The following PPP1R14C variants were observed in gnomAD, a reference collection of about 807,000 sequenced individuals.
The protein encoded by PPP1R14C is protein phosphatase 1 regulatory subunit 14C.
In PPP1R14C, 16 loss-of-function variants were observed where a neutral mutation model predicts 20.4. That is an observed-to-expected ratio of 0.78 (90% CI 0.53 to 1.19). The LOEUF is 1.19. PPP1R14C is among the 50% of genes most tolerant of loss of function. The pLI, the probability that PPP1R14C is intolerant of heterozygous loss-of-function variation, is 0.00. For synonymous variants in PPP1R14C, 91 were observed against 91.0 expected (o/e 1.00, Z 0.00); for missense variants, 211 against 220.1 (o/e 0.96, Z 0.26).
At chr6:150,203,313 A>G (rs1267898904) in intron 1 of PPP1R14C, among the ~76,000 whole-genome samples, 2 of 152,210 alleles carry the variant, frequency 1.3e-5, no homozygotes, top group African/African-American at 2.4e-5. Flanking sequence ...AATCATGCGT[A>G]TGGCAACTTT....
At chr6:150,146,406 T>C (rs925015374) in intron 1 of PPP1R14C, among the ~76,000 whole-genome samples, 2 of 152,300 alleles carry the variant, frequency 1.3e-5, no homozygotes, top group East Asian at 3.9e-4. Context: ...ACTAACAACA[T>C]TTGTATAAAA....
intron 3 of PPP1R14C, among the ~76,000 whole-genome samples, chr6:150,248,393 G>C (rs1354266401): frequency 6.6e-6 from 1 of 152,076 alleles, no homozygotes; most frequent in Non-Finnish European, 1.5e-5. Context: ...ACCCCAACCT[G>C]GACAGGCTCA....
At chr6:150,156,945 A>C (rs535069442) in intron 1 of PPP1R14C, among the ~76,000 whole-genome samples, 20 of 152,342 alleles carry the variant, frequency 1.3e-4, no homozygotes, top group African/African-American at 4.6e-4. Flanking sequence ...CACCTGAACT[A>C]GCCAGAGACT....
At chr6:150,221,209 G>T (rs1582925509) in intron 3 of PPP1R14C, among the ~76,000 whole-genome samples, 1 of 152,174 alleles carries the variant, frequency 6.6e-6, no homozygotes, top group Non-Finnish European at 1.5e-5. Flanking sequence ...AGTTCACATT[G>T]CACTAACATA....
intron 3 of PPP1R14C, among the ~76,000 whole-genome samples, chr6:150,236,471 G>C (rs1429018342): frequency 6.6e-6 from 1 of 152,106 alleles, no homozygotes; most frequent in Non-Finnish European, 1.5e-5. Flanking sequence ...GGGCCCAGGA[G>C]TTTACTGAAG....
chr6:150,195,725 A>C (rs1196178597), intron 1 of PPP1R14C: 5 of 409,458 alleles, frequency 1.2e-5, no homozygotes, highest in Non-Finnish European at 1.6e-5. Flanking sequence ...GGTCAGCTAC[A>C]TTAAGTACAT....
At chr6:150,203,821 T>C (rs1281991238) in intron 1 of PPP1R14C, among the ~76,000 whole-genome samples, 1 of 152,210 alleles carries the variant, frequency 6.6e-6, no homozygotes, top group Non-Finnish European at 1.5e-5. Context: ...ATGTGGACCA[T>C]CTTCTATCAG....
At chr6:150,197,770 C>T (rs1188201993) in intron 1 of PPP1R14C, among the ~76,000 whole-genome samples, 4 of 146,878 alleles carry the variant, frequency 2.7e-5, no homozygotes, top group African/African-American at 5.0e-5. Flanking sequence ...TGCCCCTGGC[C>T]GCCACGGTGG....
At chr6:150,145,105 G>T (rs1777167677) in intron 1 of PPP1R14C, among the ~76,000 whole-genome samples, 15 of 152,108 alleles carry the variant, frequency 9.9e-5, no homozygotes, top group Admixed American at 9.8e-4. Flanking sequence ...GACTAATTAG[G>T]CTTAGATTGG....
chr6:150,205,221 C>T (rs921003708), intron 1 of PPP1R14C, among the ~76,000 whole-genome samples: 3 of 152,088 alleles, frequency 2.0e-5, no homozygotes, highest in Non-Finnish European at 4.4e-5. Context: ...AGCCTAGTTC[C>T]TTGTTGCTTT....
intron 3 of PPP1R14C, among the ~76,000 whole-genome samples, chr6:150,230,200 A>C (rs905623265): frequency 6.6e-6 from 1 of 152,096 alleles, no homozygotes; most frequent in Non-Finnish European, 1.5e-5. Context: ...CACTCATCTA[A>C]ACTTTGGGCA....
intron 3 of PPP1R14C, among the ~76,000 whole-genome samples, chr6:150,236,882 T>C (rs1778367829): frequency 6.6e-6 from 1 of 152,124 alleles, no homozygotes. Context: ...ACAGGGACTG[T>C]GGCCCTTGGC....
At chr6:150,174,419 T>C (rs1388720367) in intron 1 of PPP1R14C, among the ~76,000 whole-genome samples, 3 of 151,800 alleles carry the variant, frequency 2.0e-5, no homozygotes, top group South Asian at 4.2e-4. Context: ...GGTTTCACCG[T>C]GTTAGCCAGG....
chr6:150,176,006 G>A (rs1406642468), intron 1 of PPP1R14C, among the ~76,000 whole-genome samples: 1 of 152,184 alleles, frequency 6.6e-6, no homozygotes, highest in Non-Finnish European at 1.5e-5. Context: ...TACTAAAGGG[G>A]AATTCAGAAT....
At chr6:150,199,179 A>G (rs9479919) in intron 1 of PPP1R14C, among the ~76,000 whole-genome samples, 21,372 of 152,048 alleles carry the variant, frequency 0.14, 1,716 homozygotes, top group South Asian at 0.29. Context: ...AGGAATCTGC[A>G]TTTTTACAAG....
chr6:150,166,001 C>CACT (rs1777417676), intron 1 of PPP1R14C, among the ~76,000 whole-genome samples: 2 of 151,880 alleles, frequency 1.3e-5, no homozygotes, highest in Non-Finnish European at 2.9e-5. Flanking sequence ...CAGTCAGTGC[C>CACT]AGTACACCAG....
intron 1 of PPP1R14C, among the ~76,000 whole-genome samples, chr6:150,157,578 G>A (rs1777318790): frequency 6.6e-6 from 1 of 151,128 alleles, no homozygotes; most frequent in African/African-American, 2.5e-5. Flanking sequence ...GCCTTATTTG[G>A]CTCATGATTC....
chr6:150,210,247 G>A (rs1312801579), intron 1 of PPP1R14C, among the ~76,000 whole-genome samples: 1 of 152,132 alleles, frequency 6.6e-6, no homozygotes, highest in Non-Finnish European at 1.5e-5. Flanking sequence ...GTTGGTTTGT[G>A]AGGTGTCTTC....
At chr6:150,200,734 G>A (rs893281807) in intron 1 of PPP1R14C, among the ~76,000 whole-genome samples, 9 of 152,176 alleles carry the variant, frequency 5.9e-5, no homozygotes, top group African/African-American at 2.2e-4. Flanking sequence ...TCCAGAAATG[G>A]CTAGTTACTC....
Sources: gnomAD v4.1 joint callset for allele counts (sites outside exome capture counted in the v4.1 genomes callset) on GRCh38, gnomAD v4.1.1 for gene constraint, MANE v1.5 for transcripts, NCBI Gene and HGNC (gene_info 2026-07-23, HGNC 2026-07-21) for gene names.